The following ORC1 variants were observed in gnomAD, a reference collection of about 807,000 sequenced individuals.
The protein encoded by ORC1 is origin recognition complex, subunit 1 homolog.
ORC1 carries 61 observed loss-of-function variants against 98.9 expected under a neutral mutation model. The ratio of observed to expected loss-of-function variants is 0.62; its 90% confidence interval spans 0.50 to 0.76. The LOEUF (loss-of-function observed/expected upper bound fraction) is 0.76. Among genes scored for constraint, ORC1 ranks in the 30% least tolerant of loss-of-function variants. ORC1 has a pLI of 0.00. For synonymous variants in ORC1, 385 were observed against 406.9 expected (o/e 0.95, Z 0.65); for missense variants, 979 against 1,072.2 (o/e 0.91, Z 1.21).
chr1:52,395,106 C>T (rs1456544743), intron 5 of ORC1, among the ~76,000 whole-genome samples: 1 of 151,960 alleles, frequency 6.6e-6, no homozygotes, highest in South Asian at 2.1e-4. Flanking sequence ...GACACCTACA[C>T]AAAAAATTCA....
At chr1:52,375,037 T>C (rs2147909172) in intron 15 of ORC1, 140 bp from the exon 16 acceptor site, 1 of 670,564 alleles carries the variant, frequency 1.5e-6, no homozygotes, top group Non-Finnish European at 2.7e-6. Context: ...GGCAAGGATC[T>C]CCCTGACCCC....
chr1:52,395,202 A>G (rs936584022), intron 5 of ORC1, among the ~76,000 whole-genome samples: 8 of 152,194 alleles, frequency 5.3e-5, no homozygotes, highest in African/African-American at 1.9e-4. Flanking sequence ...AAGGGGAAAA[A>G]GCAAGTTGGA....
chr1:52,381,207 T>C (rs1222086691), intron 14 of ORC1, among the ~76,000 whole-genome samples: 1 of 152,106 alleles, frequency 6.6e-6, no homozygotes, highest in Admixed American at 6.5e-5. Flanking sequence ...TTGCTGGGCA[T>C]GTAATAGACA....
chr1:52,376,958 G>A (rs1647002715), intron 14 of ORC1, among the ~76,000 whole-genome samples: 1 of 152,092 alleles, frequency 6.6e-6, no homozygotes, highest in African/African-American at 2.4e-5. Context: ...CGGATGGCAG[G>A]AAAAACGGCC....
At position 52,384,774 on chromosome 1, in the gene ORC1, T is replaced by C. The variant is rs3087484; in HGVS notation, c.1584-53A>G. On this transcript the variant is annotated intron_variant, in intron 10 of 16. Coordinates refer to ENST00000371568, the MANE Select transcript of ORC1 (RefSeq NM_004153.4). ...GTAGGTCTCAGCCAGCCACTACACGTTATAATCAGTTAGGAGTGTGGGAAT... is the reference window on the plus strand; with the variant it reads ...GTAGGTCTCAGCCAGCCACTACACGCTATAATCAGTTAGGAGTGTGGGAAT... 152,655 of 1,454,754 alleles carry C rather than the reference T, an allele frequency of 0.1. 18,963 individuals are homozygous for C. The highest frequency in any genetic ancestry group is 0.61 in the African/African-American group (43,637 of 71,246). 90.1% of individuals were successfully genotyped at this position (1,454,754 alleles called of 1,614,324 possible). A position where few individuals can be genotyped will look rare whatever the true frequency, so the allele number is the denominator to read the frequency against.
In ORC1 at chr1:52,377,703, C is replaced by CAA. The variant is rs58266239; in HGVS notation, c.2134-2106_2134-2105dup. Among the ~76,000 whole-genome samples the CAA allele has an allele frequency of 5.9e-3, 348 of 58,692 alleles. 4 individuals carry two copies. Among genetic ancestry groups the CAA allele is most frequent in the Non-Finnish European group, 8.7e-3 (244 of 27,886 alleles). 38.5% of individuals were successfully genotyped at this position (58,692 alleles called of 152,430 possible). A position where few individuals can be genotyped will look rare whatever the true frequency, so the allele number is the denominator to read the frequency against. On this transcript the variant is annotated intron_variant, in intron 14 of 16. Transcript: ENST00000371568. ...TAACAGTTGGTAGTGCCCCTAGAAG[C>CAA]AAAAAAAAAAAAAAAAAAAAACAAA...
chr1:52,385,414 A>C, intron 9 of ORC1, 152 bp from the exon 10 acceptor site: 1 of 719,704 alleles, frequency 1.4e-6, no homozygotes, highest in Non-Finnish European at 2.5e-6. Context: ...TCATTCTCAA[A>C]TCCCTCCATT....
intron 13 of ORC1, among the ~76,000 whole-genome samples, chr1:52,383,154 T>C (rs576624639): frequency 2.6e-5 from 4 of 152,088 alleles, no homozygotes; most frequent in African/African-American, 9.6e-5. Context: ...ATGCAAACTC[T>C]GCCTCCGGAG....
upstream of ORC1, chr1:52,404,641 T>TTAGTGAA: frequency 7.9e-7 from 1 of 1,258,010 alleles, no homozygotes; most frequent in Non-Finnish European, 1.1e-6. Flanking sequence ...TCGCCTAAGC[T>TTAGTGAA]GTTTAGTGAA....
chr1:52,403,211 T>G (rs1647815311), intron 1 of ORC1, among the ~76,000 whole-genome samples: 1 of 152,226 alleles, frequency 6.6e-6, no homozygotes, highest in Non-Finnish European at 1.5e-5. Flanking sequence ...CCAATATTTA[T>G]TAAGTACCCA....
At chr1:52,398,268 T>A (rs547135961) in intron 3 of ORC1, among the ~76,000 whole-genome samples, 38 of 118,660 alleles carry the variant, frequency 3.2e-4, no homozygotes, top group East Asian at 1.2e-3. Context: ...CCCGCCAAAA[T>A]TTTTTTTTTT....
chr1:52,407,843 G>A (rs140908352), upstream of ORC1, among the ~76,000 whole-genome samples: 1 of 152,234 alleles, frequency 6.6e-6, no homozygotes, highest in East Asian at 1.9e-4. Context: ...ATCACCTGAG[G>A]TCAGGAGTTT....
upstream of ORC1, chr1:52,404,595 G>C: frequency 1.4e-6 from 1 of 692,696 alleles, no homozygotes; most frequent in Non-Finnish European, 2.3e-6. Context: ...GGGAGCGGAA[G>C]CCCTTTACAC....
chr1:52,377,872 G>C (rs190765718), intron 14 of ORC1, among the ~76,000 whole-genome samples: 26 of 152,220 alleles, frequency 1.7e-4, no homozygotes, highest in Non-Finnish European at 1.5e-4. Flanking sequence ...GGAACCAGCA[G>C]AATCAATGGT....
rs756115004 is a variant in ORC1, at chr1:52,397,835, A to G, written c.252T>C (p.Ala84=). Residue 84 remains alanine, a synonymous_variant, in exon 4 of 17, where the codon GCT becomes GCC. Coordinates refer to ENST00000371568, the MANE Select transcript of ORC1 (RefSeq NM_004153.4). ...AGAATCGGACAAACCACTGTACTCG[A>G]GCACGTTTCTTAGGAGGAGGATCAG... ...DDSDPPPKKR[A]RVQWFVRFCE... is the part of the protein sequence containing the mutation. 1.9e-6 allele frequency: 3 copies of G among 1,614,256 alleles called. No homozygotes were observed. The highest frequency in any genetic ancestry group is 2.5e-6 in the Non-Finnish European group (3 of 1,180,048).
chr1:52,407,749 C>T (rs1353905004), upstream of ORC1, among the ~76,000 whole-genome samples: 1 of 151,974 alleles, frequency 6.6e-6, no homozygotes, highest in Non-Finnish European at 1.5e-5. Context: ...GGGGAAACCC[C>T]GTCTCTACTA....
upstream of ORC1, chr1:52,404,628 T>C: frequency 9.1e-7 from 1 of 1,093,488 alleles, no homozygotes; most frequent in Non-Finnish European, 1.3e-6. Flanking sequence ...GGCTTCAAGA[T>C]GGTCGCCTAA....
chr1:52,404,501 C>T, upstream of ORC1: 1 of 376,188 alleles, frequency 2.7e-6, no homozygotes, highest in Non-Finnish European at 4.9e-6. Flanking sequence ...CTAGCTCGCC[C>T]CGCCCACTCC....
At position 52,383,814 on chromosome 1, in the gene ORC1, C is replaced by T. The variant is rs1246659859; in HGVS notation, c.1863+16G>A. 1.2e-6 allele frequency: 2 copies of T among 1,601,166 alleles called. No homozygotes were observed. Among genetic ancestry groups the T allele is most frequent in the East Asian group, 2.2e-5 (1 of 44,800 alleles). ...ACAGCCCTGTTTCTTCTCCTGTCCG[C>T]CCATGGGCACCTCACCTCATCCACA... On this transcript the variant is annotated intron_variant, in intron 12 of 16. Coordinates refer to ENST00000371568, the MANE Select transcript of ORC1 (RefSeq NM_004153.4).
Sources: allele counts gnomAD v4.1 joint callset (sites outside exome capture counted in the v4.1 genomes callset), GRCh38; gene constraint gnomAD v4.1.1; transcripts MANE v1.5; gene names NCBI Gene and HGNC (gene_info 2026-07-23, HGNC 2026-07-21).